The following FOCAD variants were observed in gnomAD, a reference collection of about 807,000 sequenced individuals.
FOCAD encodes focadhesin, also known as KIAA1797.
Under a neutral mutation model 225.6 loss-of-function variants are expected in FOCAD, and 198 were observed. The ratio of observed to expected loss-of-function variants is 0.88; its 90% CI spans 0.78 to 0.99. The LOEUF is 0.99. FOCAD is among the 50% of genes least tolerant of loss of function. The pLI, the probability that FOCAD is intolerant of heterozygous loss-of-function variation, is 0.00. For missense variants in FOCAD, 2,713 were observed against 2,123.6 expected, an observed-to-expected ratio of 1.28 and a Z score of -5.46; for synonymous variants, 897 against 755.0, an observed-to-expected ratio of 1.19 and a Z score of -3.08.
intron 11 of FOCAD, among the ~76,000 whole-genome samples, chr9:20,806,687 A>G (rs968163395): frequency 6.6e-6 from 1 of 152,180 alleles, no homozygotes; most frequent in Non-Finnish European, 1.5e-5. Context: ...ATCGAATTCC[A>G]TCTATTAATA....
At chr9:20,734,595 T>C (rs1333547625) in intron 4 of FOCAD, among the ~76,000 whole-genome samples, 5 of 152,170 alleles carry the variant, frequency 3.3e-5, no homozygotes, top group Non-Finnish European at 5.9e-5. Context: ...ATGACAGACA[T>C]GTGTTTTTTT....
intron 35 of FOCAD, among the ~76,000 whole-genome samples, chr9:20,974,090 T>C (rs571947713): frequency 6.7e-6 from 1 of 149,564 alleles, no homozygotes; most frequent in African/African-American, 2.5e-5. Context: ...CTGCCCTACT[T>C]CCCCCTTCTT....
At chr9:20,760,037 A>C (rs1443639850) in intron 6 of FOCAD, among the ~76,000 whole-genome samples, 1 of 152,214 alleles carries the variant, frequency 6.6e-6, no homozygotes, top group Admixed American at 6.5e-5. Flanking sequence ...ACGCTGGTTC[A>C]GGGCCTCAAT....
chr9:20,874,476 C>G, intron 18 of FOCAD: 1 of 503,014 alleles, frequency 2.0e-6, no homozygotes, highest in East Asian at 3.6e-5. Context: ...GAGATTGTAT[C>G]TAATAAGATG....
intron 15 of FOCAD, among the ~76,000 whole-genome samples, chr9:20,825,211 T>C (rs1486069934): frequency 6.6e-6 from 1 of 151,222 alleles, no homozygotes; most frequent in Non-Finnish European, 1.5e-5. Context: ...TGCTGCTATG[T>C]CCTGTGATGT....
At chr9:20,841,947 T>G (rs1210904928) in intron 15 of FOCAD, among the ~76,000 whole-genome samples, 1 of 151,938 alleles carries the variant, frequency 6.6e-6, no homozygotes, top group Non-Finnish European at 1.5e-5. Flanking sequence ...TGGTATCTTG[T>G]TTTCCCATTT....
intron 15 of FOCAD, among the ~76,000 whole-genome samples, chr9:20,824,041 C>T (rs75192651): frequency 0.012 from 1,882 of 152,130 alleles, 36 homozygotes; most frequent in African/African-American, 0.043. Context: ...CTCATTTCAG[C>T]AGGCAGTGAA....
chr9:20,655,982 G>C (rs557882753), upstream of FOCAD, among the ~76,000 whole-genome samples: 9 of 152,072 alleles, frequency 5.9e-5, no homozygotes, highest in Admixed American at 5.2e-4. Context: ...TTGTGTCTTT[G>C]TTCTCGTTGT....
chr9:20,942,411 T>G (rs1400116361), intron 28 of FOCAD, among the ~76,000 whole-genome samples: 1 of 152,172 alleles, frequency 6.6e-6, no homozygotes, highest in African/African-American at 2.4e-5. Context: ...TTAAACCCTA[T>G]TGGAATGAGC....
chr9:20,660,382 G>A (rs1821679019), intron 2 of FOCAD, among the ~76,000 whole-genome samples: 4 of 152,196 alleles, frequency 2.6e-5, no homozygotes. Flanking sequence ...TCTCAGCCAG[G>A]AAGTGTAGAG....
At chr9:20,963,576 T>A (rs10964770) in intron 35 of FOCAD, among the ~76,000 whole-genome samples, 51,525 of 152,072 alleles carry the variant, frequency 0.34, 9,028 homozygotes, top group East Asian at 0.46. Flanking sequence ...TATGAATTAA[T>A]GATTTCCAGT....
At chr9:20,754,830 A>G (rs1294941257) in intron 5 of FOCAD, among the ~76,000 whole-genome samples, 21 of 152,186 alleles carry the variant, frequency 1.4e-4, no homozygotes, top group Non-Finnish European at 1.2e-4. Flanking sequence ...AGTAGTGGTA[A>G]GACTGAGAAA....
chr9:20,978,737 T>G (rs1429082762), intron 37 of FOCAD, among the ~76,000 whole-genome samples: 1 of 152,174 alleles, frequency 6.6e-6, no homozygotes, highest in Admixed American at 6.5e-5. Context: ...AGCTAGAAAG[T>G]GGTGGAATTA....
chr9:20,777,304 G>GTTTTTTTTTTTTTTTTTTTT (rs35710134), intron 8 of FOCAD, among the ~76,000 whole-genome samples: 3 of 110,866 alleles, frequency 2.7e-5, no homozygotes, highest in Non-Finnish European at 3.7e-5. Context: ...TTTCCTGTGG[G>GTTTTTTTTTTTTTTTTTTTT]TTTTTTTTTT....
chr9:20,948,536 T>G, intron 31 of FOCAD, 143 bp downstream of exon 31: 1 of 911,604 alleles, frequency 1.1e-6, no homozygotes. Flanking sequence ...TCACATACTT[T>G]TAAATCCCTT....
At chr9:20,943,983 C>G (rs1836923604) in intron 28 of FOCAD, among the ~76,000 whole-genome samples, 1 of 152,182 alleles carries the variant, frequency 6.6e-6, no homozygotes, top group Non-Finnish European at 1.5e-5. Flanking sequence ...CATGGGGTAA[C>G]TTTTGACAAG....
intron 15 of FOCAD, among the ~76,000 whole-genome samples, chr9:20,840,234 A>G (rs535262578): frequency 6.6e-6 from 1 of 152,020 alleles, no homozygotes; most frequent in Admixed American, 6.6e-5. Flanking sequence ...CAATAAATTT[A>G]TAGATTTCTT....
intron 10 of FOCAD, chr9:20,787,062 G>C (rs1027008302): frequency 1.0e-5 from 4 of 392,128 alleles, no homozygotes; most frequent in Non-Finnish European, 2.0e-5. Flanking sequence ...AATTTCTCCT[G>C]CTGCTCTAAC....
intron 7 of FOCAD, among the ~76,000 whole-genome samples, chr9:20,766,976 T>TC (rs1170964035): frequency 6.6e-6 from 1 of 150,428 alleles, no homozygotes; most frequent in Non-Finnish European, 1.5e-5. Context: ...CCCTCCCCTC[T>TC]CCCCCACCCC....
Sources: allele counts gnomAD v4.1 joint callset (sites outside exome capture counted in the v4.1 genomes callset), GRCh38; gene constraint gnomAD v4.1.1; transcripts MANE v1.5; gene names NCBI Gene and HGNC (gene_info 2026-07-23, HGNC 2026-07-21).